Variants in SIL1 observed in about 807,000 individuals in gnomAD.
SIL1 encodes nucleotide exchange factor SIL1.
SIL1 carries 40 observed loss-of-function variants against 49.1 expected under a neutral mutation model. The observed-to-expected ratio is 0.81, with a 90% CI of 0.63 to 1.06. The LOEUF (loss-of-function observed/expected upper bound fraction) is 1.06, where lower values mean the gene tolerates loss of function less well. Among genes scored for constraint, SIL1 ranks in the 50% least tolerant of loss-of-function variants. The pLI is 0.00. For synonymous variants in SIL1, 253 were observed against 250.8 expected, an observed-to-expected ratio of 1.01 and a Z score of -0.08; for missense variants, 500 against 572.6, an observed-to-expected ratio of 0.87 and a Z score of 1.29.
intron 7 of SIL1, among the ~76,000 whole-genome samples, chr5:138,990,608 G>C (rs747908582): frequency 6.6e-5 from 10 of 152,048 alleles, no homozygotes; most frequent in Non-Finnish European, 1.2e-4. Flanking sequence ...TGTTGTTTTT[G>C]TTAGAGATGG....
At chr5:139,178,717 C>T (rs1370835305) in intron 1 of SIL1, among the ~76,000 whole-genome samples, 1 of 152,092 alleles carries the variant, frequency 6.6e-6, no homozygotes, top group African/African-American at 2.4e-5. Context: ...AGTCAAATCC[C>T]TCTCAGATGT....
chr5:139,039,807 TA>T (rs1292645339), intron 5 of SIL1, among the ~76,000 whole-genome samples: 2 of 152,112 alleles, frequency 1.3e-5, no homozygotes, highest in Non-Finnish European at 1.5e-5. Context: ...AGGTGAACAA[TA>T]GCAGACATAA....
chr5:138,958,023 C>T (rs1255659099), intron 7 of SIL1, among the ~76,000 whole-genome samples: 3 of 151,650 alleles, frequency 2.0e-5, no homozygotes, highest in Admixed American at 6.6e-5. Flanking sequence ...CCTCCTAAAA[C>T]GTTGGGATTA....
intron 3 of SIL1, among the ~76,000 whole-genome samples, chr5:139,108,798 T>C (rs1284301885): frequency 6.6e-6 from 1 of 151,938 alleles, no homozygotes; most frequent in African/African-American, 2.4e-5. Context: ...CCCTGCCACC[T>C]GCCAGTCAGC....
intron 5 of SIL1, among the ~76,000 whole-genome samples, 191 bp from the exon 6 acceptor site, chr5:139,027,183 T>C (rs899767484): frequency 2.0e-5 from 3 of 152,220 alleles, no homozygotes; most frequent in Non-Finnish European, 4.4e-5. Flanking sequence ...TCTGCCTATA[T>C]AGGCCTCAGC....
At chr5:138,973,768 T>C (rs1227475704) in intron 7 of SIL1, among the ~76,000 whole-genome samples, 1 of 152,070 alleles carries the variant, frequency 6.6e-6, no homozygotes, top group Non-Finnish European at 1.5e-5. Flanking sequence ...GTTGTGATTG[T>C]AGAGACTAAG....
intron 1 of SIL1, among the ~76,000 whole-genome samples, chr5:139,171,403 C>G (rs1327222233): frequency 2.0e-5 from 3 of 152,130 alleles, no homozygotes; most frequent in African/African-American, 7.2e-5. Context: ...GACCTTACCC[C>G]CAACCCTGTG....
At chr5:139,076,559 C>G (rs1257644623) in intron 3 of SIL1, among the ~76,000 whole-genome samples, 1 of 152,196 alleles carries the variant, frequency 6.6e-6, no homozygotes, top group Non-Finnish European at 1.5e-5. Flanking sequence ...TTGCCCCATC[C>G]TGCAATCAAT....
At chr5:139,108,305 T>C (rs1303243381) in intron 3 of SIL1, 3 of 152,204 alleles carry the variant, frequency 2.0e-5, no homozygotes, top group South Asian at 2.1e-4. Context: ...CATGTAGGTG[T>C]GCTCAATTCA....
chr5:138,960,219 T>A (rs1766988414), intron 7 of SIL1, among the ~76,000 whole-genome samples: 1 of 152,220 alleles, frequency 6.6e-6, no homozygotes, highest in Non-Finnish European at 1.5e-5. Context: ...CTTACATGGT[T>A]ATCTCTTCCT....
At chr5:138,995,763 T>A (rs1474180574) in intron 7 of SIL1, among the ~76,000 whole-genome samples, 2 of 152,180 alleles carry the variant, frequency 1.3e-5, no homozygotes, top group Non-Finnish European at 2.9e-5. Flanking sequence ...ACTCTTTATC[T>A]TTATGAGATC....
At chr5:139,155,827 A>G (rs577584591) in intron 1 of SIL1, among the ~76,000 whole-genome samples, 4 of 144,330 alleles carry the variant, frequency 2.8e-5, no homozygotes, top group African/African-American at 9.9e-5. Context: ...GAACTGTCCC[A>G]GGTCAAATAA....
At chr5:139,070,646 A>G (rs1769811425) in intron 3 of SIL1, among the ~76,000 whole-genome samples, 1 of 152,206 alleles carries the variant, frequency 6.6e-6, no homozygotes, top group African/African-American at 2.4e-5. Flanking sequence ...AAAACCTTCA[A>G]CTGACCAAAA....
intron 1 of SIL1, among the ~76,000 whole-genome samples, chr5:139,185,008 T>C (rs904786043): frequency 3.9e-5 from 6 of 152,308 alleles, no homozygotes; most frequent in African/African-American, 1.4e-4. Flanking sequence ...CCAAATAACA[T>C]TGCTTCGATC....
At chr5:139,103,604 C>T (rs911169971) in intron 3 of SIL1, among the ~76,000 whole-genome samples, 2 of 152,182 alleles carry the variant, frequency 1.3e-5, no homozygotes, top group Non-Finnish European at 2.9e-5. Context: ...GCACAGTGGA[C>T]CCTGCTCATC....
chr5:139,066,858 C>T (rs773442909), intron 3 of SIL1, among the ~76,000 whole-genome samples: 2 of 152,110 alleles, frequency 1.3e-5, no homozygotes, highest in Non-Finnish European at 2.9e-5. Flanking sequence ...AGCATGCACA[C>T]CACACCCAGA....
chr5:139,191,221 CAAAAAAAAAAAAAAA>C, intron 1 of SIL1, among the ~76,000 whole-genome samples: 1 of 67,908 alleles, frequency 1.5e-5, no homozygotes, highest in South Asian at 6.1e-4. Flanking sequence ...GACTCTGTCT[CAAAAAAAAAAAAAAA>C]AAAAAAAAAG....
At chr5:139,101,704 C>A (rs1229922833) in intron 3 of SIL1, among the ~76,000 whole-genome samples, 1 of 152,192 alleles carries the variant, frequency 6.6e-6, no homozygotes, top group Non-Finnish European at 1.5e-5. Flanking sequence ...GTATCTCCTC[C>A]ATTTGATTCT....
intron 1 of SIL1, among the ~76,000 whole-genome samples, chr5:139,161,300 G>C (rs1228449993): frequency 1.3e-5 from 2 of 152,176 alleles, no homozygotes; most frequent in African/African-American, 4.8e-5. Context: ...CTTTAAATAA[G>C]GGAAATGAAG....
Sources: gnomAD v4.1 joint callset for allele counts (sites outside exome capture counted in the v4.1 genomes callset) on GRCh38, gnomAD v4.1.1 for gene constraint, MANE v1.5 for transcripts, NCBI Gene and HGNC (gene_info 2026-07-23, HGNC 2026-07-21) for gene names.